Variants in ULK2 observed in about 807,000 individuals in gnomAD.
ULK2 encodes the protein serine/threonine-protein kinase ULK2.
In ULK2, 76 loss-of-function variants were observed where a neutral mutation model predicts 127.5. The observed-to-expected ratio is 0.60, with a 90% CI of 0.50 to 0.72. The LOEUF (loss-of-function observed/expected upper bound fraction) is 0.72. ULK2 is among the 30% of genes least tolerant of loss of function. The pLI is 0.00. For missense variants in ULK2, 1,144 were observed against 1,295.9 expected (o/e 0.88, Z 1.80); for synonymous variants, 452 against 461.9 (o/e 0.98, Z 0.28).
Position 19,783,721 on chromosome 17 carries a change from T to C in ULK2, c.2436A>G (p.Glu812=). The C allele has an allele frequency of 6.3e-7, 1 of 1,575,702 alleles. No individual in the cohort carries two copies. Among genetic ancestry groups the C allele is most frequent in the South Asian group, 1.2e-5 (1 of 84,128 alleles). The part of the protein sequence containing the change: ...LEGLITFEAP[E]LPEETLMERE... ...CCTCCATCAGCGTCTCCTCCGGCAG[T>C]TCAGGGGCTTCAAAGGTGATGAGCC... The change falls in exon 22 of 27, where the codon GAA becomes GAG. Residue 812 remains glutamate, a synonymous_variant. Coordinates refer to ENST00000395544, the MANE Select transcript of ULK2 (RefSeq NM_014683.4).
At chr17:19,862,443 G>A (rs1333535812) in intron 3 of ULK2, among the ~76,000 whole-genome samples, 2 of 151,766 alleles carry the variant, frequency 1.3e-5, no homozygotes, top group Non-Finnish European at 2.9e-5. Flanking sequence ...TTTGTGTTAT[G>A]ATATGACCAC....
chr17:19,815,830 T>G (rs2040975578), intron 13 of ULK2, among the ~76,000 whole-genome samples: 1 of 152,030 alleles, frequency 6.6e-6, no homozygotes, highest in Non-Finnish European at 1.5e-5. Context: ...GTTGTGCACA[T>G]GTACCCTAAA....
At chr17:19,847,738 A>G (rs1200666045) in intron 5 of ULK2, among the ~76,000 whole-genome samples, 2 of 152,120 alleles carry the variant, frequency 1.3e-5, no homozygotes, top group Admixed American at 1.3e-4. Flanking sequence ...TTGTAGAGAC[A>G]GGGTTTTGCC....
intron 12 of ULK2, 89 bp downstream of exon 12, chr17:19,825,005 A>T: frequency 8.2e-7 from 1 of 1,217,124 alleles, no homozygotes; most frequent in South Asian, 1.4e-5. Context: ...ACACATAAAA[A>T]GAATATCCAC....
chr17:19,867,935 C>G lies in ULK2; in HGVS notation c.-518G>C, dbSNP rs1324518739. On this transcript the variant is annotated 5_prime_UTR_variant, in exon 1 of 27. Coordinates refer to ENST00000395544, the MANE Select transcript of ULK2 (RefSeq NM_014683.4). ...GCGCGCGCTACCCGCTCCCGCGCGA[C>G]TGGCTGCCCTCCGCGACGTCCGCGC... 2.0e-5 allele frequency: 3 copies of G among 151,720 alleles called. No individual in the cohort carries two copies. The highest frequency in any genetic ancestry group is 7.2e-5 in the African/African-American group (3 of 41,386). The allele number at this position is 151,720 out of a possible 1,614,324, so 9.4% of individuals were successfully genotyped here.
chr17:19,860,906 A>T (rs960485905), intron 3 of ULK2: 7 of 151,984 alleles, frequency 4.6e-5, no homozygotes, highest in African/African-American at 1.7e-4. Flanking sequence ...CACGCAGGAG[A>T]CCCAGGTTCG....
intron 3 of ULK2, among the ~76,000 whole-genome samples, chr17:19,861,577 T>C (rs1469783650): frequency 6.6e-6 from 1 of 152,158 alleles, no homozygotes; most frequent in Non-Finnish European, 1.5e-5. Context: ...CTAAGTATAC[T>C]TTCAAAACAA....
In ULK2 at chr17:19,796,251, T is replaced by G. The variant is rs1432301789; in HGVS notation, c.1841A>C (p.Gln614Pro). ...TTAPFKIPKT[Q>P]ASSNLLALVT... ...CAAGGCTAACAGGTTGGAAGATGCT[T>G]GAGTTTTAGGGATTTTGAAAGGAGC... Residue 614 changes from glutamine to proline, a missense_variant, in exon 19 of 27, where the codon CAA becomes CCA. This residue lies in a region of ULK2 where 913 missense variants were observed against 970.5 expected (regional missense o/e 0.94). Coordinates refer to ENST00000395544, the MANE Select transcript of ULK2 (RefSeq NM_014683.4). 11 of 1,612,896 alleles carry G rather than the reference T, an allele frequency of 6.8e-6. No individual in the cohort carries two copies. In the South Asian group the frequency reaches 9.9e-5, roughly 15 times the overall value.
intron 12 of ULK2, among the ~76,000 whole-genome samples, chr17:19,823,932 TG>T (rs1253164267): frequency 6.6e-6 from 1 of 152,202 alleles, no homozygotes; most frequent in Non-Finnish European, 1.5e-5. Flanking sequence ...ACCTAACAGT[TG>T]CCACCCCTTG....
chr17:19,773,939 G>A lies in ULK2; in HGVS notation c.*2410C>T, dbSNP rs2152379878. The A allele has an allele frequency of 6.6e-6, 1 of 152,374 alleles. No individual in the cohort carries two copies. The highest frequency in any genetic ancestry group is 2.1e-4 in the South Asian group (1 of 4,826). 9.4% of individuals were successfully genotyped at this position (152,374 alleles called of 1,614,324 possible). On this transcript the variant is annotated 3_prime_UTR_variant, in exon 27 of 27. Coordinates refer to ENST00000395544, the MANE Select transcript of ULK2 (RefSeq NM_014683.4). ...CTCTAGTTACTTCTCTCAATGGAAG[G>A]AGGGGACAGGGACTGTGGGAAACCA...
At chr17:19,851,902 T>G (rs1030171161) in intron 3 of ULK2, among the ~76,000 whole-genome samples, 1 of 150,990 alleles carries the variant, frequency 6.6e-6, no homozygotes, top group Non-Finnish European at 1.5e-5. Context: ...AAAAATTAGC[T>G]GGGCATGGTG....
chr17:19,782,812 A>C (rs1249215150), intron 22 of ULK2, among the ~76,000 whole-genome samples: 2 of 151,972 alleles, frequency 1.3e-5, no homozygotes, highest in Non-Finnish European at 2.9e-5. Context: ...GCTCCTCAGG[A>C]AGCTGAGGCA....
chr17:19,838,820 G>C (rs571681697), intron 9 of ULK2, among the ~76,000 whole-genome samples: 1 of 152,054 alleles, frequency 6.6e-6, no homozygotes, highest in East Asian at 1.9e-4. Context: ...GAGGTCAGGA[G>C]ATCGAGACCA....
At chr17:19,802,846 A>C (rs1173916423) in intron 15 of ULK2, among the ~76,000 whole-genome samples, 1 of 152,224 alleles carries the variant, frequency 6.6e-6, no homozygotes, top group Non-Finnish European at 1.5e-5. Flanking sequence ...TTACCTGTGC[A>C]TGATTTTTTT....
chr17:19,779,168 A>G lies in ULK2; in HGVS notation c.2916+1304T>C, dbSNP rs548562663. ...TTCAAAATAAGGCCACGGATGTAAT[A>G]TAACAGCACAGTTCACAGTAGACAA... On this transcript the variant is annotated intron_variant, in intron 25 of 26. Coordinates refer to ENST00000395544, the MANE Select transcript of ULK2 (RefSeq NM_014683.4). 1.8e-4 allele frequency among the ~76,000 whole-genome samples: 28 copies of G among 152,342 alleles called. No homozygotes were observed. In the South Asian group the frequency reaches 5.4e-3, roughly 29 times the overall value.
In ULK2 at chr17:19,775,326, C is replaced by T. The variant is rs1450124438; in HGVS notation, c.*1023G>A. 3 of 152,566 alleles carry T rather than the reference C, an allele frequency of 2.0e-5. No homozygotes were observed. Among genetic ancestry groups the T allele is most frequent in the Non-Finnish European group, 4.4e-5 (3 of 68,030 alleles). 9.5% of individuals were successfully genotyped at this position (152,566 alleles called of 1,614,324 possible). On this transcript the variant is annotated 3_prime_UTR_variant, in exon 27 of 27. Coordinates refer to ENST00000395544, the MANE Select transcript of ULK2 (RefSeq NM_014683.4). ...GAGAAAACGAACTTCATTTTCCACTCACTGCATGTAGGAACTCCACATCAC... is the reference window on the plus strand; with the variant it reads ...GAGAAAACGAACTTCATTTTCCACTTACTGCATGTAGGAACTCCACATCAC...
intron 15 of ULK2, 87 bp from the exon 16 acceptor site, chr17:19,802,009 C>T (rs1473452460): frequency 1.2e-5 from 17 of 1,442,354 alleles, no homozygotes; most frequent in East Asian, 7.2e-5. Context: ...CAATATGCCA[C>T]GGAGTAGTTT....
chr17:19,852,061 A>C (rs1463112856), intron 3 of ULK2, among the ~76,000 whole-genome samples: 1 of 150,654 alleles, frequency 6.6e-6, no homozygotes, highest in Non-Finnish European at 1.5e-5. Flanking sequence ...AAAAAAAAAA[A>C]AAAAAATACA....
At position 19,865,791 on chromosome 17, in the gene ULK2, T is replaced by C; in HGVS notation, c.128A>G (p.Lys43Arg). 6.4e-7 allele frequency: 1 copy of C among 1,566,078 alleles called. No homozygotes were observed. The highest frequency in any genetic ancestry group is 8.7e-7 in the Non-Finnish European group (1 of 1,143,882). ...TATTTGTGATTTTGACAAGTTCTTTTTATTAATACTTTTAATAGCTACCTC... is the reference window on the plus strand; with the variant it reads ...TATTTGTGATTTTGACAAGTTCTTTCTATTAATACTTTTAATAGCTACCTC... ...DWEVAIKSIN[K>R]KNLSKSQILL... The change falls in exon 2 of 27, where the codon AAA (lysine) becomes AGA (arginine). Residue 43 changes from lysine (K) to arginine (R), a missense_variant. Around this residue, in one of 2 missense-constraint regions of ULK2, gnomAD observed 231 missense variants for 325.4 expected, o/e 0.71. Transcript: ENST00000395544.
Sources: allele counts gnomAD v4.1 joint callset (sites outside exome capture counted in the v4.1 genomes callset), GRCh38; gene constraint gnomAD v4.1.1; regional missense constraint gnomAD v4.1.1; transcripts MANE v1.5; gene names NCBI Gene and HGNC (gene_info 2026-07-23, HGNC 2026-07-21).